Variants in FRMPD1 observed in about 807,000 individuals in gnomAD.
FRMPD1 encodes FERM and PDZ domain containing 1.
Under a neutral mutation model 117.8 loss-of-function variants are expected in FRMPD1, and 76 were observed. The ratio of observed to expected loss-of-function variants is 0.65; its 90% CI spans 0.54 to 0.78. The LOEUF (loss-of-function observed/expected upper bound fraction) is 0.78, where lower values mean the gene tolerates loss of function less well. Ranked by LOEUF, FRMPD1 falls within the 30% of genes least tolerant of loss-of-function variation. FRMPD1 has a pLI of 0.00. For synonymous variants in FRMPD1, 783 were observed against 770.4 expected, an observed-to-expected ratio of 1.02 and a Z score of -0.27; for missense variants, 1,786 against 1,964.5, an observed-to-expected ratio of 0.91 and a Z score of 1.72.
intron 2 of FRMPD1, among the ~76,000 whole-genome samples, chr9:37,695,981 C>G (rs1355628437): frequency 6.6e-6 from 1 of 151,810 alleles, no homozygotes; most frequent in Admixed American, 6.6e-5. Flanking sequence ...TTCACAATCT[C>G]TCACCAGCCC....
upstream of FRMPD1, among the ~76,000 whole-genome samples, chr9:37,648,325 G>A (rs1820557052): frequency 6.6e-6 from 1 of 152,130 alleles, no homozygotes; most frequent in Non-Finnish European, 1.5e-5. Flanking sequence ...AAGAACATAA[G>A]GTGTTTGGTG....
chr9:37,676,682 C>G (rs1821539933), intron 1 of FRMPD1, among the ~76,000 whole-genome samples: 1 of 152,130 alleles, frequency 6.6e-6, no homozygotes, highest in Non-Finnish European at 1.5e-5. Context: ...TGGCCTGAAC[C>G]CTTGCATAGG....
chr9:37,739,929 G>A (rs79482448), intron 14 of FRMPD1, 149 bp from the exon 15 acceptor site: 12 of 617,718 alleles, frequency 1.9e-5, no homozygotes, highest in African/African-American at 9.2e-5. Context: ...CTCGGATCCC[G>A]TGTTCGTCAG....
At chr9:37,666,472 T>G (rs1473181611) in intron 1 of FRMPD1, among the ~76,000 whole-genome samples, 1 of 152,168 alleles carries the variant, frequency 6.6e-6, no homozygotes, top group Non-Finnish European at 1.5e-5. Flanking sequence ...ACCTTTGGTC[T>G]TCAGGGTAGC....
At chr9:37,726,834 G>A (rs1247182930) in intron 7 of FRMPD1, among the ~76,000 whole-genome samples, 1 of 152,188 alleles carries the variant, frequency 6.6e-6, no homozygotes, top group Non-Finnish European at 1.5e-5. Flanking sequence ...GTACCGGTGT[G>A]CTTAAGACCA....
intron 1 of FRMPD1, chr9:37,668,172 C>G (rs937454296): frequency 6.6e-6 from 1 of 152,262 alleles, no homozygotes; most frequent in African/African-American, 2.4e-5. Flanking sequence ...TTTCCTCTCT[C>G]GACTGGCTCA....
intron 2 of FRMPD1, among the ~76,000 whole-genome samples, chr9:37,697,503 C>G: frequency 6.6e-6 from 1 of 151,488 alleles, no homozygotes; most frequent in African/African-American, 2.4e-5. Context: ...GGAGGCGGAG[C>G]TTGCAGTGAG....
chr9:37,745,508 C>A lies in FRMPD1; in HGVS notation c.3476C>A (p.Thr1159Asn), dbSNP rs1824658795. 3.7e-6 allele frequency: 6 copies of A among 1,613,968 alleles called. No homozygotes were observed. The highest frequency in any genetic ancestry group is 1.3e-5 in the African/African-American group (1 of 74,890). ...DISSPAGKIV[T>N]SLSLDAPVTG... ...AGCTCTCCAGCTGGTAAAATAGTAA[C>A]CTCCCTTTCTTTAGATGCTCCTGTA... Residue 1159 changes from threonine to asparagine, a missense_variant, in exon 16 of 16, where the codon ACC becomes AAC. Thr to Asn is a moderately conservative substitution (Grantham distance 65). Coordinates refer to ENST00000377765, the MANE Select transcript of FRMPD1 (RefSeq NM_014907.3).
intron 14 of FRMPD1, 114 bp downstream of exon 14, chr9:37,737,357 G>A (rs1824184326): frequency 1.3e-6 from 1 of 779,808 alleles, no homozygotes; most frequent in Non-Finnish European, 2.1e-6. Context: ...CAGCTCAAGT[G>A]GATGAGAGCT....
At chr9:37,659,915 T>TAA (rs36016239) in intron 1 of FRMPD1, among the ~76,000 whole-genome samples, 20,576 of 102,700 alleles carry the variant, frequency 0.2, 1,890 homozygotes, top group Non-Finnish European at 0.24. Flanking sequence ...TTTCAAGCAC[T>TAA]AAAAAAAAAA....
chr9:37,737,315 G>A, intron 14 of FRMPD1, 72 bp downstream of exon 14: 1 of 1,414,990 alleles, frequency 7.1e-7, no homozygotes, highest in Non-Finnish European at 9.9e-7. Context: ...GCAGCCTAAA[G>A]GGAGGTGGTG....
chr9:37,604,305 T>C, the FRMPD1 span, among the ~76,000 whole-genome samples: 1 of 152,222 alleles, frequency 6.6e-6, no homozygotes, highest in African/African-American at 2.4e-5. Flanking sequence ...CCTAATTGAG[T>C]AAATATATTG....
At chr9:37,620,202 T>C in the FRMPD1 span, among the ~76,000 whole-genome samples, 1 of 152,282 alleles carries the variant, frequency 6.6e-6, no homozygotes, top group East Asian at 1.9e-4. Flanking sequence ...TCTACACAAA[T>C]AGGCAAAATT....
chr9:37,688,747 G>A (rs1208503390), intron 1 of FRMPD1, among the ~76,000 whole-genome samples: 2 of 151,984 alleles, frequency 1.3e-5, no homozygotes, highest in Admixed American at 1.3e-4. Context: ...ATATTAATAT[G>A]CAATGATGTT....
the FRMPD1 span, among the ~76,000 whole-genome samples, chr9:37,609,869 G>A: frequency 1.3e-5 from 2 of 152,082 alleles, no homozygotes; most frequent in African/African-American, 4.8e-5. Flanking sequence ...AGCCTACTCA[G>A]GGCCCCAGAG....
chr9:37,720,403 G>A (rs561523974), intron 6 of FRMPD1, among the ~76,000 whole-genome samples: 137 of 152,316 alleles, frequency 9.0e-4, no homozygotes, highest in African/African-American at 3.1e-3. Flanking sequence ...GGTGGCTCAC[G>A]CCTGTAATCC....
chr9:37,687,533 G>A (rs1291613637), intron 1 of FRMPD1, among the ~76,000 whole-genome samples: 1 of 152,166 alleles, frequency 6.6e-6, no homozygotes, highest in African/African-American at 2.4e-5. Flanking sequence ...GTTGATATTT[G>A]AAAACAATAT....
chr9:37,634,908 G>A, the FRMPD1 span, among the ~76,000 whole-genome samples: 2 of 151,826 alleles, frequency 1.3e-5, no homozygotes, highest in East Asian at 3.9e-4. Flanking sequence ...AGGCCATGGT[G>A]TGTGTTGTTC....
intron 1 of FRMPD1, among the ~76,000 whole-genome samples, chr9:37,662,896 C>T (rs1440607017): frequency 6.6e-6 from 1 of 152,130 alleles, no homozygotes; most frequent in Non-Finnish European, 1.5e-5. Flanking sequence ...TGGGAAGATG[C>T]AGAATTACAT....
Sources: allele counts gnomAD v4.1 joint callset (sites outside exome capture counted in the v4.1 genomes callset), GRCh38; gene constraint gnomAD v4.1.1; transcripts MANE v1.5; gene names NCBI Gene and HGNC (gene_info 2026-07-23, HGNC 2026-07-21).